Variants in TMEM132B observed in about 807,000 individuals in gnomAD.
The protein encoded by TMEM132B is transmembrane protein 132B.
A neutral mutation model predicts 90.8 loss-of-function variants in TMEM132B; 18 were observed. The ratio of observed to expected loss-of-function variants is 0.20; its 90% CI spans 0.14 to 0.29. The LOEUF is 0.29. Among genes scored for constraint, TMEM132B ranks in the 10% least tolerant of loss-of-function variants. The pLI is 1.00. For synonymous variants in TMEM132B, 504 were observed against 523.3 expected (o/e 0.96, Z 0.50); for missense variants, 1,096 against 1,326.8 (o/e 0.83, Z 2.70).
chr12:125,468,648 G>A (rs1033755956), intron 3 of TMEM132B, among the ~76,000 whole-genome samples: 8 of 152,312 alleles, frequency 5.3e-5, no homozygotes, highest in Admixed American at 5.2e-4. Context: ...GTATCATACT[G>A]TTTTGATTAC....
chr12:125,358,938 A>G (rs1877873263), intron 2 of TMEM132B, among the ~76,000 whole-genome samples: 1 of 152,234 alleles, frequency 6.6e-6, no homozygotes, highest in Non-Finnish European at 1.5e-5. Context: ...AATATTGTAG[A>G]AGAATCTTGG....
chr12:125,415,936 G>A lies in TMEM132B; in HGVS notation c.1106+259G>A, dbSNP rs2136362447. Among the ~76,000 whole-genome samples the A allele has an allele frequency of 6.6e-6, 1 of 152,208 alleles. No individual in the cohort carries two copies. Among genetic ancestry groups the A allele is most frequent in the Middle Eastern group, 3.4e-3 (1 of 294 alleles). ...GCGAAGAGTTGAAGAAGGAAATGGG[G>A]GAAATAAAAATGATTTAAGAGGCAA... On this transcript the variant is annotated intron_variant, in intron 3 of 8. Transcript: ENST00000682704. This position sits in a 1 kb window ranked among gnomAD's most constrained non-coding sequence, Gnocchi z 5.3.
chr12:125,294,363 C>T (rs12146861), intron 1 of TMEM132B, among the ~76,000 whole-genome samples: 20,759 of 152,248 alleles, frequency 0.14, 1,582 homozygotes, highest in African/African-American at 0.2. Flanking sequence ...TACTCATGCA[C>T]TGTTGGACCT....
At chr12:125,356,380 CTATT>C in intron 2 of TMEM132B, among the ~76,000 whole-genome samples, 1 of 152,294 alleles carries the variant, frequency 6.6e-6, no homozygotes, top group Admixed American at 6.5e-5. Context: ...CTTTAAGTGA[CTATT>C]TATGAAGTGT....
intron 1 of TMEM132B, among the ~76,000 whole-genome samples, chr12:125,320,882 G>A (rs1207063117): frequency 1.3e-5 from 2 of 152,178 alleles, no homozygotes; most frequent in Non-Finnish European, 2.9e-5. Context: ...CCAAACCTCT[G>A]AGAACCACAA....
At chr12:125,389,338 C>G (rs1878940818) in intron 2 of TMEM132B, among the ~76,000 whole-genome samples, 2 of 148,790 alleles carry the variant, frequency 1.3e-5, no homozygotes, top group Admixed American at 1.3e-4. Flanking sequence ...CCTCCCTCCC[C>G]TCCCCTCCCC....
chr12:125,297,570 C>T (rs1034474531), intron 1 of TMEM132B, among the ~76,000 whole-genome samples: 2 of 152,208 alleles, frequency 1.3e-5, no homozygotes, highest in East Asian at 1.9e-4. Flanking sequence ...TCAGGCATTA[C>T]GCTCAATACT....
intron 1 of TMEM132B, among the ~76,000 whole-genome samples, chr12:125,188,609 GT>G (rs1286924002): frequency 8.2e-6 from 1 of 122,668 alleles, no homozygotes; most frequent in Admixed American, 1.1e-4. Context: ...AAGGCCCCAT[GT>G]TGGGAGGGAA....
chr12:125,200,182 G>A (rs977237312), intron 1 of TMEM132B, among the ~76,000 whole-genome samples: 1 of 152,140 alleles, frequency 6.6e-6, no homozygotes. Flanking sequence ...GGGACATGTC[G>A]TTTTTCTGGG....
intron 3 of TMEM132B, among the ~76,000 whole-genome samples, chr12:125,439,879 G>C (rs1880818651): frequency 6.6e-6 from 1 of 152,162 alleles, no homozygotes; most frequent in African/African-American, 2.4e-5. Flanking sequence ...GAGCATGAAT[G>C]GATGTTGAAT....
intron 2 of TMEM132B, among the ~76,000 whole-genome samples, chr12:125,405,326 C>T (rs918650713): frequency 6.6e-5 from 10 of 152,174 alleles, no homozygotes; most frequent in Admixed American, 3.3e-4. Context: ...CTGTCTGTCT[C>T]TTATAAAGAC....
At chr12:125,207,025 C>A (rs114954160) in intron 1 of TMEM132B, among the ~76,000 whole-genome samples, 1 of 152,160 alleles carries the variant, frequency 6.6e-6, no homozygotes, top group Non-Finnish European at 1.5e-5. Context: ...CTGATGCATT[C>A]GGTGGAAGGA....
At position 125,330,614 on chromosome 12, in the gene TMEM132B, A is replaced by G. The variant is rs562715617; in HGVS notation, c.68-18838A>G. 5.3e-5 allele frequency among the ~76,000 whole-genome samples: 8 copies of G among 152,308 alleles called. No individual in the cohort carries two copies. In the East Asian group the frequency reaches 9.6e-4, roughly 18 times the overall value. ...AAAGATTTTTTAAAAAGTATATCCAATGCTGCCAAGAGGGCAGAGGCCTTT... is the reference window on the plus strand; with the variant it reads ...AAAGATTTTTTAAAAAGTATATCCAGTGCTGCCAAGAGGGCAGAGGCCTTT... On this transcript the variant is annotated intron_variant, in intron 1 of 8. Transcript: ENST00000682704.
rs147363120 is a variant in TMEM132B at position 125,513,686 on chromosome 12, C to T, written c.1107-5753C>T. Among the ~76,000 whole-genome samples the T allele has an allele frequency of 2.0e-3, 308 of 152,288 alleles. 2 individuals are homozygous for T. Among genetic ancestry groups the T allele is most frequent in the African/African-American group, 3.4e-3 (142 of 41,548 alleles). On this transcript the variant is annotated intron_variant, in intron 3 of 8. Coordinates refer to ENST00000682704, the MANE Select transcript of TMEM132B (RefSeq NM_001366854.1). ...GTTGAGGATCTGCTTGGTTTCTACT[C>T]GCCCTTCAGGTCTCAGCTCAGATGC...
Position 125,408,174 on chromosome 12 carries a change from G to T in TMEM132B, c.960-7357G>T, listed in dbSNP as rs1442246089. Among the ~76,000 whole-genome samples the T allele has an allele frequency of 6.6e-6, 1 of 152,180 alleles. No individual in the cohort carries two copies. Among genetic ancestry groups the T allele is most frequent in the East Asian group, 1.9e-4 (1 of 5,196 alleles). On this transcript the variant is annotated intron_variant, in intron 2 of 8. Transcript: ENST00000682704. The surrounding 1 kb of genome is among the most constrained non-coding windows in gnomAD (Gnocchi z 5.9). ...CTTCCACTCAGCTGTGTATTTGGAGGGTCGCTGTGTTGTTGTGTGGTGATA... is the reference window on the plus strand; with the variant it reads ...CTTCCACTCAGCTGTGTATTTGGAGTGTCGCTGTGTTGTTGTGTGGTGATA...
rs999130749 is a variant in TMEM132B at position 125,538,866 on chromosome 12, G to A, written c.1293+19241G>A. On this transcript the variant is annotated intron_variant, in intron 4 of 8. Coordinates refer to ENST00000682704, the MANE Select transcript of TMEM132B (RefSeq NM_001366854.1). ...GGAATAAAAATAGAGGAGTTACCCC[G>A]GATGCCTCTCCATTTTCAAGCATCA... is the stretch of plus-strand genomic sequence containing the variant. 3.9e-5 allele frequency among the ~76,000 whole-genome samples: 6 copies of A among 152,112 alleles called. No individual in the cohort carries two copies. In the East Asian group the frequency reaches 7.7e-4, roughly 20 times the overall value.
rs1874215727 is a variant in TMEM132B at position 125,246,699 on chromosome 12, T to C, written c.67+59833T>C. On this transcript the variant is annotated intron_variant, in intron 1 of 8. Coordinates refer to ENST00000682704, the MANE Select transcript of TMEM132B (RefSeq NM_001366854.1). The surrounding 1 kb of genome is among the most constrained non-coding windows in gnomAD (Gnocchi z 4.2). The stretch of plus-strand genomic sequence containing the variant: ...CTGATTTTTCCATTTCGGGCTCTTT[T>C]GTGAAGTGCTTTGATTCTTAAATCG... Among the ~76,000 whole-genome samples, 1 of 152,230 alleles carries C rather than the reference T, an allele frequency of 6.6e-6. No individual in the cohort carries two copies. Among genetic ancestry groups the C allele is most frequent in the Non-Finnish European group, 1.5e-5 (1 of 68,042 alleles).
chr12:125,189,750 C>T (rs998531519), intron 1 of TMEM132B, among the ~76,000 whole-genome samples: 8 of 151,956 alleles, frequency 5.3e-5, no homozygotes, highest in African/African-American at 1.7e-4. Flanking sequence ...ACAATGAGCA[C>T]GGTGGTTGCC....
chr12:125,189,420 G>A (rs746434410), intron 1 of TMEM132B, among the ~76,000 whole-genome samples: 16 of 152,176 alleles, frequency 1.1e-4, no homozygotes, highest in Admixed American at 1.3e-4. Context: ...CGACAGAGGG[G>A]CCACATTGAG....
Sources: gnomAD v4.1 joint callset for allele counts (sites outside exome capture counted in the v4.1 genomes callset) on GRCh38, gnomAD v4.1.1 for gene constraint, Gnocchi (gnomAD v3.1) non-coding constraint, MANE v1.5 for transcripts, NCBI Gene and HGNC (gene_info 2026-07-23, HGNC 2026-07-21) for gene names.